ROBO2: variants seen among roughly 807,000 people sequenced by gnomAD.
ROBO2 encodes the protein roundabout guidance receptor 2, also known as roundabout homolog 2.
In ROBO2, 53 loss-of-function variants were observed where a neutral mutation model predicts 160.8. That is an observed-to-expected ratio of 0.33 (90% CI 0.26 to 0.41). ROBO2 has a LOEUF of 0.41. Ranked by LOEUF, ROBO2 falls within the 10% of genes least tolerant of loss-of-function variation. ROBO2 has a pLI of 1.00. For synonymous variants in ROBO2, 664 were observed against 611.7 expected (o/e 1.09, Z -1.26); for missense variants, 1,577 against 1,722.4 (o/e 0.92, Z 1.49).
chr3:76,105,250 A>G (rs2069871695), intron 2 of ROBO2, among the ~76,000 whole-genome samples: 2 of 152,116 alleles, frequency 1.3e-5, no homozygotes, highest in Admixed American at 1.3e-4. Context: ...CTATCACCCA[A>G]ATTGACAGCG....
intron 2 of ROBO2, among the ~76,000 whole-genome samples, chr3:76,116,239 C>T (rs1039528937): frequency 6.6e-6 from 1 of 152,088 alleles, no homozygotes; most frequent in African/African-American, 2.4e-5. Flanking sequence ...TCTTCTATTA[C>T]ATGTATACCA....
At chr3:75,978,778 G>T (rs1431517811) in intron 2 of ROBO2, among the ~76,000 whole-genome samples, 1 of 151,490 alleles carries the variant, frequency 6.6e-6, no homozygotes, top group African/African-American at 2.4e-5. Context: ...ATTTATACCA[G>T]TAATCTCTTT....
intron 2 of ROBO2, among the ~76,000 whole-genome samples, chr3:76,183,870 G>A (rs181739166): frequency 1.5e-3 from 230 of 152,154 alleles, no homozygotes; most frequent in African/African-American, 4.1e-3. Context: ...ATCTGCCTGC[G>A]TCCAGATTCT....
chr3:76,806,447 A>C (rs1007473982), intron 2 of ROBO2, among the ~76,000 whole-genome samples: 1 of 151,954 alleles, frequency 6.6e-6, no homozygotes, highest in Non-Finnish European at 1.5e-5. Context: ...GAAATATTTT[A>C]GCAAACTCAT....
intron 6 of ROBO2, among the ~76,000 whole-genome samples, chr3:77,532,809 C>A (rs915885228): frequency 8.3e-6 from 1 of 119,920 alleles, no homozygotes; most frequent in Admixed American, 9.0e-5. Context: ...ACCCTTTTTT[C>A]GTTTTTAAAA....
At chr3:76,592,603 G>A (rs543833996) in intron 2 of ROBO2, among the ~76,000 whole-genome samples, 7 of 151,974 alleles carry the variant, frequency 4.6e-5, no homozygotes, top group South Asian at 2.1e-4. Context: ...CAAACCTTCC[G>A]TATTAGTTTC....
exon 3 of ROBO2, chr3:77,477,510 A>C: frequency 6.2e-7 from 1 of 1,614,116 alleles, no homozygotes. Flanking sequence ...GGACACCCAG[A>C]ACCCACCATC....
chr3:77,621,664 C>T, intron 22 of ROBO2, among the ~76,000 whole-genome samples: 1 of 151,986 alleles, frequency 6.6e-6, no homozygotes, highest in East Asian at 1.9e-4. Flanking sequence ...TTGTGCCTAC[C>T]CTAAACTGGG....
At chr3:76,954,461 G>A (rs2079130228) in intron 2 of ROBO2, among the ~76,000 whole-genome samples, 1 of 152,120 alleles carries the variant, frequency 6.6e-6, no homozygotes, top group Non-Finnish European at 1.5e-5. Flanking sequence ...GGCCTCACCT[G>A]AATGGCATAT....
chr3:77,375,347 A>G (rs771956599), intron 2 of ROBO2, among the ~76,000 whole-genome samples: 4 of 152,236 alleles, frequency 2.6e-5, no homozygotes, highest in Non-Finnish European at 4.4e-5. Flanking sequence ...TTTCTGTCGT[A>G]TCATGCAGCT....
chr3:76,387,175 T>A (rs2076931891), intron 2 of ROBO2, among the ~76,000 whole-genome samples: 1 of 152,116 alleles, frequency 6.6e-6, no homozygotes, highest in African/African-American at 2.4e-5. Context: ...CCTTCAGCCC[T>A]TTTGTAAGGC....
chr3:76,576,945 T>C (rs1277023907), intron 2 of ROBO2, among the ~76,000 whole-genome samples: 1 of 152,016 alleles, frequency 6.6e-6, no homozygotes, highest in Admixed American at 6.6e-5. Context: ...CGTAAGTAGT[T>C]TTCCTTGGAA....
At chr3:77,415,944 C>A (rs1404763813) in intron 2 of ROBO2, among the ~76,000 whole-genome samples, 2 of 152,134 alleles carry the variant, frequency 1.3e-5, no homozygotes, top group Non-Finnish European at 2.9e-5. Context: ...CATGTTGTGC[C>A]CAGAGGCTTT....
intron 2 of ROBO2, among the ~76,000 whole-genome samples, chr3:76,050,552 C>A (rs1398373392): frequency 1.3e-5 from 2 of 152,134 alleles, no homozygotes; most frequent in Admixed American, 6.5e-5. Flanking sequence ...CTCTAGAGAA[C>A]CCTGACTAAT....
chr3:77,411,306 G>A (rs1355475680), intron 2 of ROBO2, among the ~76,000 whole-genome samples: 1 of 152,098 alleles, frequency 6.6e-6, no homozygotes, highest in Non-Finnish European at 1.5e-5. Flanking sequence ...CCTTTATTGA[G>A]GACAACTTAG....
At chr3:76,187,232 A>G (rs41384649) in intron 2 of ROBO2, among the ~76,000 whole-genome samples, 11,479 of 152,024 alleles carry the variant, frequency 0.076, 591 homozygotes, top group East Asian at 0.22. Flanking sequence ...TTCTGACATT[A>G]CATCTTGAAA....
At chr3:77,383,656 T>C (rs2073792725) in intron 2 of ROBO2, among the ~76,000 whole-genome samples, 1 of 152,152 alleles carries the variant, frequency 6.6e-6, no homozygotes, top group Admixed American at 6.6e-5. Context: ...GTAGATATAT[T>C]GATTTTAACC....
At chr3:76,370,005 AT>A (rs1402320433) in intron 2 of ROBO2, among the ~76,000 whole-genome samples, 3 of 151,994 alleles carry the variant, frequency 2.0e-5, no homozygotes, top group Admixed American at 2.0e-4. Context: ...ATAGACACTC[AT>A]TAATAAATTA....
chr3:77,157,944 C>T (rs2078157769), intron 2 of ROBO2, among the ~76,000 whole-genome samples: 1 of 151,938 alleles, frequency 6.6e-6, no homozygotes, highest in African/African-American at 2.4e-5. Context: ...CTTCTTTTAG[C>T]CTAGATGTTC....
Sources: gnomAD v4.1 joint callset for allele counts (sites outside exome capture counted in the v4.1 genomes callset) on GRCh38, gnomAD v4.1.1 for gene constraint, MANE v1.5 for transcripts, NCBI Gene and HGNC (gene_info 2026-07-23, HGNC 2026-07-21) for gene names.